KDM6A: variants seen among roughly 807,000 people sequenced by gnomAD.
KDM6A encodes the protein lysine-specific demethylase 6A.
A neutral mutation model predicts 117.6 loss-of-function variants in KDM6A; 11 were observed. That is an observed-to-expected ratio of 0.09 (90% CI 0.06 to 0.15). The LOEUF (loss-of-function observed/expected upper bound fraction) is 0.15. Ranked by LOEUF, KDM6A falls within the 10% of genes least tolerant of loss-of-function variation. KDM6A has a pLI of 1.00. For missense variants in KDM6A, 799 were observed against 1,077.3 expected (o/e 0.74, Z 3.62); for synonymous variants, 384 against 396.1 (o/e 0.97, Z 0.36).
rs747027332 is a variant in KDM6A, at chrX:45,082,611, C to T, written c.3336C>T (p.His1112=). 1.7e-6 allele frequency: 2 copies of T among 1,192,895 alleles called. No homozygotes were observed. The highest frequency in any genetic ancestry group is 2.3e-6 in the Non-Finnish European group (2 of 880,945). The stretch of plus-strand genomic sequence containing the variant: ...AAAAAAGAAGTCATCATAAAGACCA[C>T]TCAGATAGTGAATCTACATCGTCAG... ...ENEKRSHHKD[H]SDSESTSSDN... The change falls in exon 22 of 30, where the codon CAC becomes CAT. Residue 1112 remains histidine (H), a synonymous_variant. Transcript: ENST00000611820.
At chrX:45,015,062 T>G (rs2041904914) in intron 5 of KDM6A, among the ~76,000 whole-genome samples, 1 of 109,866 alleles carries the variant, frequency 9.1e-6, no homozygotes, top group South Asian at 3.8e-4. Flanking sequence ...ACTACTAAAG[T>G]TTTCTTTTTT....
At chrX:45,011,764 A>G (rs1014466193) in intron 5 of KDM6A, among the ~76,000 whole-genome samples, 18 of 110,247 alleles carry the variant, frequency 1.6e-4, no homozygotes, top group Non-Finnish European at 2.3e-4. Context: ...TAGTTTGTTT[A>G]TTTATTTATT....
chrX:45,036,712 A>G (rs2042828927), intron 7 of KDM6A, among the ~76,000 whole-genome samples: 1 of 112,790 alleles, frequency 8.9e-6, no homozygotes, highest in South Asian at 3.6e-4. Context: ...ATAAGAAAAC[A>G]ACCGATTATC....
chrX:45,025,222 G>A (rs1018952258), intron 6 of KDM6A, among the ~76,000 whole-genome samples: 3 of 111,231 alleles, frequency 2.7e-5, no homozygotes, highest in Admixed American at 9.5e-5. Flanking sequence ...GAATACTGTG[G>A]TGTGAACTCG....
chrX:45,069,957 A>G lies in KDM6A; in HGVS notation c.2458A>G (p.Lys820Glu), dbSNP rs2044742547. The change falls in exon 18 of 30, where the codon AAG (lysine) becomes GAG (glutamate). Residue 820 changes from lysine (K) to glutamate (E), a missense_variant. By Grantham distance (56) the Lys-to-Glu change is moderately conservative. Coordinates refer to ENST00000611820, the MANE Select transcript of KDM6A (RefSeq NM_001291415.2). Reference sequence around the variant, plus strand: ...TTGCAGTCCTAGCCATGGAGATTCTAAGTCACCAGGTTTACTAAGTTCAGA... The same window carrying G: ...TTGCAGTCCTAGCCATGGAGATTCTGAGTCACCAGGTTTACTAAGTTCAGA... ...AVCSPSHGDS[K>E]SPGLLSSDNP... 2 of 1,210,248 alleles carry G rather than the reference A, an allele frequency of 1.7e-6. No individual in the cohort carries two copies. Among genetic ancestry groups the G allele is most frequent in the Non-Finnish European group, 2.2e-6 (2 of 895,289 alleles).
chrX:45,053,095 T>C (rs2043929292), intron 9 of KDM6A, among the ~76,000 whole-genome samples: 1 of 111,892 alleles, frequency 8.9e-6, no homozygotes, highest in Non-Finnish European at 1.9e-5. Flanking sequence ...TATAGCCTTA[T>C]ATTTATTCCT....
intron 2 of KDM6A, among the ~76,000 whole-genome samples, chrX:44,912,560 G>A (rs1231266833): frequency 1.3e-4 from 15 of 112,021 alleles, no homozygotes; most frequent in Admixed American, 1.3e-3. Context: ...GAGTGCCAAG[G>A]TAATCTCTGT....
At chrX:45,073,262 C>T (rs1341881658) in intron 18 of KDM6A, among the ~76,000 whole-genome samples, 1 of 111,750 alleles carries the variant, frequency 8.9e-6, no homozygotes, top group Non-Finnish European at 1.9e-5. Flanking sequence ...TTTCTTAATC[C>T]AGTCTATCAT....
chrX:44,955,225 T>G (rs2038259577), intron 2 of KDM6A, among the ~76,000 whole-genome samples: 1 of 111,300 alleles, frequency 9.0e-6, no homozygotes, highest in African/African-American at 3.3e-5. Flanking sequence ...CAAAAGTGAC[T>G]CTTGGGAAAG....
intron 8 of KDM6A, among the ~76,000 whole-genome samples, chrX:45,039,803 G>C (rs774763215): frequency 0.033 from 1,501 of 45,705 alleles, 81 homozygotes; most frequent in African/African-American, 0.13. Context: ...CACAGCACAT[G>C]TTTCAGAGAG....
At chrX:45,041,196 C>T (rs749779329) in intron 8 of KDM6A, among the ~76,000 whole-genome samples, 33 of 84,316 alleles carry the variant, frequency 3.9e-4, no homozygotes, top group East Asian at 3.1e-3. Context: ...TCCCCCCTCC[C>T]GGACGGGGCG....
chrX:44,963,107 TTTG>T (rs201824749), intron 3 of KDM6A, among the ~76,000 whole-genome samples: 1,661 of 111,543 alleles, frequency 0.015, 16 homozygotes, highest in Non-Finnish European at 0.025. Flanking sequence ...ATATTCTAAA[TTTG>T]TTGTTATCAT....
At chrX:44,981,130 A>G (rs1008515151) in intron 4 of KDM6A, among the ~76,000 whole-genome samples, 2 of 111,732 alleles carry the variant, frequency 1.8e-5, no homozygotes, top group African/African-American at 6.5e-5. Context: ...TCAGTTCTGC[A>G]GTGGCTGCTG....
intron 8 of KDM6A, among the ~76,000 whole-genome samples, chrX:45,043,383 G>T (rs1460243415): frequency 9.0e-6 from 1 of 111,510 alleles, no homozygotes; most frequent in Admixed American, 9.5e-5. Flanking sequence ...AGGCATTTGG[G>T]TTTGTTTAAT....
At chrX:44,874,714 C>G (rs1354496639) in intron 2 of KDM6A, among the ~76,000 whole-genome samples, 1 of 94,483 alleles carries the variant, frequency 1.1e-5, no homozygotes, top group Non-Finnish European at 2.0e-5. Flanking sequence ...TTGGCACTGT[C>G]ATTTAGTTAA....
chrX:44,927,852 C>T, intron 2 of KDM6A, among the ~76,000 whole-genome samples: 1 of 111,548 alleles, frequency 9.0e-6, no homozygotes, highest in African/African-American at 3.3e-5. Context: ...TAACCAGAGA[C>T]ATCAGTGGTC....
intron 1 of KDM6A, 106 bp downstream of exon 1, chrX:44,873,818 G>A (rs1330364676): frequency 1.4e-5 from 16 of 1,140,064 alleles, no homozygotes; most frequent in Non-Finnish European, 5.9e-6. Context: ...CGGGCACCTC[G>A]GTTTGGCGCT....
chrX:45,028,164 G>C (rs1015790642), intron 6 of KDM6A, among the ~76,000 whole-genome samples: 1 of 111,809 alleles, frequency 8.9e-6, no homozygotes, highest in African/African-American at 3.3e-5. Context: ...ACACCACACA[G>C]CAACAGCAAA....
intron 2 of KDM6A, among the ~76,000 whole-genome samples, chrX:44,900,179 T>C (rs1192706212): frequency 8.9e-6 from 1 of 112,440 alleles, no homozygotes; most frequent in Admixed American, 9.4e-5. Flanking sequence ...CATAACATTC[T>C]GCTCCTTTCA....
Sources: gnomAD v4.1 joint callset for allele counts (sites outside exome capture counted in the v4.1 genomes callset) on GRCh38, gnomAD v4.1.1 for gene constraint, MANE v1.5 for transcripts, NCBI Gene and HGNC (gene_info 2026-07-23, HGNC 2026-07-21) for gene names.